Variants in TAFA2 observed in about 807,000 individuals in gnomAD.
TAFA2 encodes chemokine-like protein TAFA-2.
Under a neutral mutation model 18.8 loss-of-function variants are expected in TAFA2, and 7 were observed. That is an observed-to-expected ratio of 0.37 (90% CI 0.21 to 0.70). The LOEUF (loss-of-function observed/expected upper bound fraction) is 0.70. TAFA2 is among the 30% of genes least tolerant of loss of function. TAFA2 has a pLI of 0.53. For synonymous variants in TAFA2, 60 were observed against 54.2 expected (o/e 1.11, Z -0.47); for missense variants, 122 against 158.1 (o/e 0.77, Z 1.23).
intron 4 of TAFA2, among the ~76,000 whole-genome samples, chr12:61,724,304 T>G (rs1472639969): frequency 6.6e-6 from 1 of 152,082 alleles, no homozygotes; most frequent in Non-Finnish European, 1.5e-5. Context: ...ACATTTTATA[T>G]TTTTTGGTGT....
intron 1 of TAFA2, among the ~76,000 whole-genome samples, chr12:62,070,178 G>T (rs977261024): frequency 4.6e-5 from 7 of 152,122 alleles, no homozygotes; most frequent in Admixed American, 1.3e-4. Flanking sequence ...CTTGAATGAG[G>T]TGCAATAATA....
chr12:62,143,735 A>G (rs2062256832), intron 1 of TAFA2, among the ~76,000 whole-genome samples: 1 of 152,118 alleles, frequency 6.6e-6, no homozygotes, highest in Admixed American at 6.5e-5. Context: ...CCCTCAGTCA[A>G]ATTATCCTTT....
chr12:62,003,858 A>C (rs973346722), intron 1 of TAFA2, among the ~76,000 whole-genome samples: 1 of 152,226 alleles, frequency 6.6e-6, no homozygotes, highest in Non-Finnish European at 1.5e-5. Context: ...ATTTCAAAAG[A>C]AGCAGAACCA....
chr12:61,791,443 A>G (rs913699291), intron 2 of TAFA2, among the ~76,000 whole-genome samples: 2 of 151,908 alleles, frequency 1.3e-5, no homozygotes, highest in African/African-American at 2.4e-5. Context: ...GAAACCATAC[A>G]GAAAGGGAGA....
intron 2 of TAFA2, among the ~76,000 whole-genome samples, chr12:61,782,017 A>T (rs1870525520): frequency 6.6e-6 from 1 of 151,680 alleles, no homozygotes; most frequent in South Asian, 2.1e-4. Context: ...TCCCTTAGAA[A>T]ACAGTGGGAT....
At chr12:62,003,624 C>G (rs912312517) in intron 1 of TAFA2, among the ~76,000 whole-genome samples, 1 of 152,194 alleles carries the variant, frequency 6.6e-6, no homozygotes, top group African/African-American at 2.4e-5. Flanking sequence ...TACCACTGCA[C>G]TTTTAAATGT....
At chr12:61,941,213 A>C (rs529759472) in intron 1 of TAFA2, among the ~76,000 whole-genome samples, 1 of 152,170 alleles carries the variant, frequency 6.6e-6, no homozygotes, top group East Asian at 1.9e-4. Flanking sequence ...ACAAAAACTT[A>C]TATTACTAAT....
chr12:62,154,410 AC>A (rs2062353841), intron 1 of TAFA2, among the ~76,000 whole-genome samples: 1 of 152,158 alleles, frequency 6.6e-6, no homozygotes, highest in South Asian at 2.1e-4. Flanking sequence ...GTCACATGCT[AC>A]CCCTGATAAC....
chr12:62,154,897 G>A (rs1209855668), intron 1 of TAFA2, among the ~76,000 whole-genome samples: 1 of 152,004 alleles, frequency 6.6e-6, no homozygotes, highest in Admixed American at 6.6e-5. Context: ...AGGACAAGGT[G>A]CCCACTCTCA....
chr12:62,149,758 C>T (rs1335528430), intron 1 of TAFA2, among the ~76,000 whole-genome samples: 1 of 152,038 alleles, frequency 6.6e-6, no homozygotes, highest in Non-Finnish European at 1.5e-5. Flanking sequence ...GTACTAAATA[C>T]TTTCCTCCAA....
chr12:61,930,120 C>T (rs959506524), intron 1 of TAFA2, among the ~76,000 whole-genome samples: 1 of 151,666 alleles, frequency 6.6e-6, no homozygotes, highest in Admixed American at 6.6e-5. Context: ...CAAGCCTACA[C>T]GTTGTGCACA....
intron 4 of TAFA2, among the ~76,000 whole-genome samples, chr12:61,736,314 C>G (rs1868303454): frequency 6.6e-6 from 1 of 152,012 alleles, no homozygotes; most frequent in Non-Finnish European, 1.5e-5. Flanking sequence ...AACATATCAT[C>G]TTATATTTTG....
chr12:61,920,161 G>C (rs1216113895), intron 1 of TAFA2, among the ~76,000 whole-genome samples: 1 of 152,160 alleles, frequency 6.6e-6, no homozygotes, highest in Admixed American at 6.5e-5. Context: ...GACAGTGACT[G>C]TGAAAGAATA....
At chr12:62,226,217 G>C (rs1364854468) in intron 1 of TAFA2, among the ~76,000 whole-genome samples, 6 of 146,306 alleles carry the variant, frequency 4.1e-5, no homozygotes, top group East Asian at 2.0e-4. Context: ...TTTTTGAGAC[G>C]GAGTCTCGCT....
chr12:62,234,515 AT>A, intron 1 of TAFA2: 3 of 1,042,898 alleles, frequency 2.9e-6, no homozygotes, highest in Non-Finnish European at 4.5e-6. Flanking sequence ...CACTGATCAC[AT>A]TTATATGGTC....
intron 1 of TAFA2, among the ~76,000 whole-genome samples, chr12:61,985,380 C>A (rs531750033): frequency 6.6e-6 from 1 of 152,252 alleles, no homozygotes; most frequent in Non-Finnish European, 1.5e-5. Flanking sequence ...CTTCTCTTAA[C>A]CATTTGAGGG....
intron 1 of TAFA2, among the ~76,000 whole-genome samples, chr12:62,224,067 T>C (rs185156742): frequency 1.7e-4 from 25 of 144,848 alleles, no homozygotes; most frequent in Admixed American, 1.5e-3. Context: ...AAACAAAATG[T>C]GTTTTATATG....
At chr12:61,874,186 C>CA (rs1165929659) in intron 1 of TAFA2, among the ~76,000 whole-genome samples, 2 of 152,054 alleles carry the variant, frequency 1.3e-5, no homozygotes, top group African/African-American at 2.4e-5. Flanking sequence ...AAGTTATAAT[C>CA]AAAAATTTAT....
chr12:61,920,541 T>C (rs1877006398), intron 1 of TAFA2, among the ~76,000 whole-genome samples: 2 of 152,218 alleles, frequency 1.3e-5, no homozygotes, highest in African/African-American at 2.4e-5. Flanking sequence ...CCTTTTCCTT[T>C]GTCATGTCAC....
Sources: gnomAD v4.1 joint callset for allele counts (sites outside exome capture counted in the v4.1 genomes callset) on GRCh38, gnomAD v4.1.1 for gene constraint, MANE v1.5 for transcripts, NCBI Gene and HGNC (gene_info 2026-07-23, HGNC 2026-07-21) for gene names.